The following ULK4 variants were observed in gnomAD, a reference collection of about 807,000 sequenced individuals.
ULK4 encodes unc-51 like kinase 4.
ULK4 carries 133 observed loss-of-function variants against 160.6 expected under a neutral mutation model. That is an observed-to-expected ratio of 0.83 (90% CI 0.72 to 0.96). ULK4 has a LOEUF of 0.96. Among genes scored for constraint, ULK4 ranks in the 40% least tolerant of loss-of-function variants. The pLI is 0.00. For missense variants in ULK4, 1,580 were observed against 1,499.5 expected, an observed-to-expected ratio of 1.05 and a Z score of -0.89; for synonymous variants, 534 against 539.8, an observed-to-expected ratio of 0.99 and a Z score of 0.15.
intron 27 of ULK4, among the ~76,000 whole-genome samples, chr3:41,691,333 C>T (rs1170784082): frequency 7.9e-5 from 12 of 151,858 alleles, no homozygotes; most frequent in Non-Finnish European, 1.5e-4. Context: ...CATATAAAGC[C>T]CCAAGTCCAA....
intron 29 of ULK4, among the ~76,000 whole-genome samples, chr3:41,676,855 C>A (rs2035735726): frequency 1.3e-5 from 2 of 151,628 alleles, no homozygotes; most frequent in South Asian, 4.2e-4. Context: ...GCTGCCTCTT[C>A]CATAGCTTTG....
intron 32 of ULK4, among the ~76,000 whole-genome samples, chr3:41,505,494 T>C (rs2085344742): frequency 6.6e-6 from 1 of 152,206 alleles, no homozygotes; most frequent in Non-Finnish European, 1.5e-5. Flanking sequence ...TCATGTCCTA[T>C]GAATATCCTA....
At position 41,360,481 on chromosome 3, in the gene ULK4, G is replaced by A. The variant is rs147014440; in HGVS notation, c.3678+37598C>T. ...CATGCACGTGTATGCTCACTGCAGC[G>A]CCATTCACAATAGCAAAGACATGAA... On this transcript the variant is annotated intron_variant, in intron 35 of 36. Transcript: ENST00000301831. Among the ~76,000 whole-genome samples, 378 of 152,192 alleles carry A rather than the reference G, an allele frequency of 2.5e-3. 1 individual carries two copies. Among genetic ancestry groups the A allele is most frequent in the East Asian group, 0.015 (79 of 5,182 alleles).
At chr3:41,694,189 T>A (rs773289697) in intron 27 of ULK4, among the ~76,000 whole-genome samples, 1 of 152,142 alleles carries the variant, frequency 6.6e-6, no homozygotes, top group African/African-American at 2.4e-5. Context: ...AAGAAAGAAC[T>A]GTGTAGGGGA....
At chr3:41,455,027 A>G (rs987119163) in intron 34 of ULK4, among the ~76,000 whole-genome samples, 4 of 152,238 alleles carry the variant, frequency 2.6e-5, no homozygotes, top group East Asian at 1.9e-4. Flanking sequence ...TGTATATTCA[A>G]TGGTCGTGTA....
chr3:41,452,988 C>G (rs181848984), intron 34 of ULK4, among the ~76,000 whole-genome samples: 70 of 152,188 alleles, frequency 4.6e-4, no homozygotes, highest in South Asian at 1.2e-3. Flanking sequence ...AAAATGTACA[C>G]TCAGTTCAGA....
rs2078891907 is a variant in ULK4 at position 41,258,980 on chromosome 3, AT to A, written c.3679-9407del. Among the ~76,000 whole-genome samples, 6 of 149,910 alleles carry A rather than the reference AT, an allele frequency of 4.0e-5. No individual in the cohort carries two copies. The East Asian group carries it at 9.7e-4, about 24-fold the overall frequency. On this transcript the variant is annotated intron_variant, in intron 35 of 36. Coordinates refer to ENST00000301831, the MANE Select transcript of ULK4 (RefSeq NM_017886.4). The stretch of plus-strand genomic sequence containing the variant: ...TATATATACATATATGTGTATATAT[AT>A]ACAGATATACATATATACATATGTA...
intron 35 of ULK4, among the ~76,000 whole-genome samples, chr3:41,384,502 C>T (rs1416693143): frequency 2.0e-5 from 3 of 151,998 alleles, no homozygotes; most frequent in Non-Finnish European, 2.9e-5. Context: ...CCAGCCTGGG[C>T]AATATAGGGA....
chr3:41,642,153 C>T (rs1559453711), intron 30 of ULK4, among the ~76,000 whole-genome samples: 2 of 152,104 alleles, frequency 1.3e-5, no homozygotes, highest in East Asian at 1.9e-4. Context: ...GGATTACAGG[C>T]GTGACCCACT....
At chr3:41,491,045 T>C (rs575999726) in intron 32 of ULK4, among the ~76,000 whole-genome samples, 92 of 152,206 alleles carry the variant, frequency 6.0e-4, no homozygotes, top group African/African-American at 2.1e-3. Context: ...CCATTAACAA[T>C]AGCAACGAAA....
intron 32 of ULK4, among the ~76,000 whole-genome samples, chr3:41,470,044 A>AAAAAAAAAAAAAAAAAAAAAAAAAAC (rs1415943037): frequency 3.4e-5 from 4 of 116,680 alleles, no homozygotes; most frequent in African/African-American, 7.1e-5. Context: ...AAAAAAAAAA[A>AAAAAAAAAAAAAAAAAAAAAAAAAAC]AACAAAGTAT....
intron 35 of ULK4, among the ~76,000 whole-genome samples, chr3:41,389,421 G>A (rs938708462): frequency 9.2e-5 from 14 of 152,136 alleles, no homozygotes; most frequent in African/African-American, 3.4e-4. Context: ...GAATAGGAGT[G>A]GTGAGAGAGG....
chr3:41,376,444 G>C (rs1226815512), intron 35 of ULK4, among the ~76,000 whole-genome samples: 5 of 150,158 alleles, frequency 3.3e-5, no homozygotes, highest in Non-Finnish European at 1.5e-5. Flanking sequence ...GTCCCTCTTT[G>C]CAGACGACAT....
intron 6 of ULK4, 84 bp from the exon 7 acceptor site, chr3:41,918,624 T>G (rs1355897907): frequency 1.7e-5 from 11 of 654,952 alleles, no homozygotes; most frequent in Non-Finnish European, 2.5e-5. Flanking sequence ...TTTTTTGAGA[T>G]GGAGTCTTGC....
intron 32 of ULK4, among the ~76,000 whole-genome samples, chr3:41,516,805 T>C (rs927726866): frequency 1.3e-5 from 2 of 152,154 alleles, no homozygotes; most frequent in Non-Finnish European, 2.9e-5. Flanking sequence ...ATAATAATTG[T>C]TTATTTTTAA....
chr3:41,525,344 T>C (rs767471239), intron 32 of ULK4, among the ~76,000 whole-genome samples: 2 of 152,086 alleles, frequency 1.3e-5, no homozygotes, highest in Non-Finnish European at 2.9e-5. Context: ...CTTAATTGAA[T>C]AGCAAGAAAA....
intron 32 of ULK4, among the ~76,000 whole-genome samples, chr3:41,475,409 C>T (rs752445206): frequency 1.3e-5 from 2 of 151,980 alleles, no homozygotes; most frequent in Non-Finnish European, 2.9e-5. Flanking sequence ...AGATTTTTTT[C>T]TTTGACATAT....
At chr3:41,644,416 T>C (rs543265354) in intron 30 of ULK4, among the ~76,000 whole-genome samples, 339 of 152,252 alleles carry the variant, frequency 2.2e-3, no homozygotes, top group African/African-American at 7.8e-3. Flanking sequence ...TTGTTGAATT[T>C]TGTCAAAGGC....
intron 35 of ULK4, among the ~76,000 whole-genome samples, chr3:41,371,213 C>T (rs943838282): frequency 6.6e-6 from 1 of 152,190 alleles, no homozygotes; most frequent in South Asian, 2.1e-4. Context: ...CGGCTGTGGG[C>T]ACAGCTTCAG....
Sources: gnomAD v4.1 joint callset for allele counts (sites outside exome capture counted in the v4.1 genomes callset) on GRCh38, gnomAD v4.1.1 for gene constraint, MANE v1.5 for transcripts, NCBI Gene and HGNC (gene_info 2026-07-23, HGNC 2026-07-21) for gene names.